The following PHF7 variants were observed in gnomAD, a reference collection of about 807,000 sequenced individuals.
PHF7 encodes the protein E3 ubiquitin-protein ligase PHF7.
PHF7 carries 24 observed loss-of-function variants against 47.5 expected under a neutral mutation model. That is an observed-to-expected ratio of 0.51 (90% CI 0.37 to 0.71). The LOEUF is 0.71. Among genes scored for constraint, PHF7 ranks in the 30% least tolerant of loss-of-function variants. The probability of loss-of-function intolerance (pLI) is 0.00; values close to 1 mark genes in which losing one functional copy is unlikely to be tolerated. For synonymous variants in PHF7, 156 were observed against 153.8 expected (o/e 1.01, Z -0.11); for missense variants, 361 against 456.8 (o/e 0.79, Z 1.91).
rs115023990 is a variant in PHF7 at position 52,423,247 on chromosome 3, G to A, written c.1076G>A (p.Arg359His). ...PSLLEKPESS[R>H]GRRSYSWRSK... The stretch of plus-strand genomic sequence containing the variant: ...TTATTAGAAAAGCCAGAGTCCTCTC[G>A]TGGCAGGAGGAGCTACTCCTGGAGG... Residue 359 changes from arginine (R) to histidine (H), a missense_variant, in exon 11 of 11, where the codon CGT becomes CAT. Physicochemically the swap from Arg to His is conservative, Grantham distance 29. Coordinates refer to ENST00000327906, the MANE Select transcript of PHF7 (RefSeq NM_016483.7). 7.8e-5 allele frequency: 126 copies of A among 1,614,120 alleles called. 2 individuals carry two copies. In the African/African-American group the frequency reaches 1.4e-3, roughly 17 times the overall value.
chr3:52,420,521 C>A, intron 6 of PHF7, 86 bp downstream of exon 6: 2 of 1,347,398 alleles, frequency 1.5e-6, no homozygotes, highest in Non-Finnish European at 2.1e-6. Context: ...TTCTCACAAG[C>A]AGGCCTGTTT....
chr3:52,413,493 G>A (rs533933580), intron 2 of PHF7, among the ~76,000 whole-genome samples: 8 of 152,206 alleles, frequency 5.3e-5, no homozygotes, highest in East Asian at 1.9e-4. Flanking sequence ...CTTACAATCC[G>A]GTTCCTGCCC....
Position 52,420,937 on chromosome 3 carries a change from A to G in PHF7, c.448A>G (p.Ile150Val). Reference sequence around the variant, plus strand: ...TGACAAACATCGCCCAACACAGAACATCCAACATGGGCATGTGGGGGAGGA... The same window carrying G: ...TGACAAACATCGCCCAACACAGAACGTCCAACATGGGCATGTGGGGGAGGA... ...FCDKHRPTQN[I>V]QHGHVGEESC... Residue 150 changes from isoleucine (I) to valine (V), a missense_variant, in exon 7 of 11, where the codon ATC becomes GTC. Physicochemically the swap from Ile to Val is conservative, Grantham distance 29. Transcript: ENST00000327906. 1.9e-6 allele frequency: 3 copies of G among 1,613,280 alleles called. No homozygotes were observed. The highest frequency in any genetic ancestry group is 2.5e-6 in the Non-Finnish European group (3 of 1,179,552).
intron 4 of PHF7, among the ~76,000 whole-genome samples, chr3:52,418,731 CAGTGTCA>C (rs1220153135): frequency 6.6e-6 from 1 of 152,064 alleles, no homozygotes; most frequent in Non-Finnish European, 1.5e-5. Context: ...CCCTGGGAGG[CAGTGTCA>C]CTTGCCACAC....
intron 4 of PHF7, among the ~76,000 whole-genome samples, chr3:52,415,082 C>T (rs909079388): frequency 7.2e-5 from 11 of 152,208 alleles, no homozygotes; most frequent in Admixed American, 6.5e-5. Context: ...AAACAATGTT[C>T]CCAATCCTTC....
At chr3:52,419,057 G>A (rs896931196) in intron 4 of PHF7, among the ~76,000 whole-genome samples, 13 of 151,984 alleles carry the variant, frequency 8.6e-5, no homozygotes, top group Non-Finnish European at 7.4e-5. Context: ...AGCCCTCCTC[G>A]GCTTCCCAAA....
At chr3:52,414,682 T>G in intron 4 of PHF7, 95 bp downstream of exon 4, 1 of 701,320 alleles carries the variant, frequency 1.4e-6, no homozygotes, top group Non-Finnish European at 2.4e-6. Flanking sequence ...CAGCCTTGTT[T>G]TTTTATTTTT....
intron 4 of PHF7, among the ~76,000 whole-genome samples, chr3:52,417,127 C>A (rs565268805): frequency 2.8e-4 from 43 of 152,178 alleles, no homozygotes; most frequent in Non-Finnish European, 5.7e-4. Context: ...GACCATATAT[C>A]TGTGGATCTG....
At chr3:52,419,979 A>G (rs375759543) in intron 5 of PHF7, 45 bp downstream of exon 5, 29 of 1,053,316 alleles carry the variant, frequency 2.8e-5, no homozygotes, top group Non-Finnish European at 4.0e-5. Flanking sequence ...GCCTCTTTTC[A>G]TACCTCACCC....
Position 52,419,901 on chromosome 3 carries a change from C to T in PHF7, c.255C>T (p.Asp85=), listed in dbSNP as rs778079517. Residue 85 remains aspartate (D), a synonymous_variant, in exon 5 of 11, where the codon GAC becomes GAT. Coordinates refer to ENST00000327906, the MANE Select transcript of PHF7 (RefSeq NM_016483.7). ...GCTTCCATGGATTTCTGCCTGAAGACATCAAAAAGGAGGCAGCCCGGGCTT... is the reference window on the plus strand; with the variant it reads ...GCTTCCATGGATTTCTGCCTGAAGATATCAAAAAGGAGGCAGCCCGGGCTT... The part of the protein sequence containing the change: ...NRGFHGFLPE[D]IKKEAARASR... 2 of 1,609,854 alleles carry T rather than the reference C, an allele frequency of 1.2e-6. No homozygotes were observed. Among genetic ancestry groups the T allele is most frequent in the South Asian group, 1.1e-5 (1 of 90,166 alleles).
At chr3:52,421,829 G>C (rs1705800505) in intron 8 of PHF7, 75 bp downstream of exon 8, 2 of 781,738 alleles carry the variant, frequency 2.6e-6, no homozygotes, top group Non-Finnish European at 4.6e-6. Context: ...GTGAGTGAGA[G>C]GATAGTTCAG....
chr3:52,420,255 C>T (rs1417003990), intron 5 of PHF7, 56 bp from the exon 6 acceptor site: 1 of 1,574,784 alleles, frequency 6.4e-7, no homozygotes. Flanking sequence ...ATGTGCTACA[C>T]TGTGTGTGTT....
At chr3:52,414,844 T>TAAAAAAAAAAAA (rs80181327) in intron 4 of PHF7, 1 of 107,256 alleles carries the variant, frequency 9.3e-6, no homozygotes. Context: ...ACAAAAAAAT[T>TAAAAAAAAAAAA]AAAAAAAAAA....
rs1395602548 is a variant in PHF7, at chr3:52,413,045, G to A, written c.41+125G>A. On this transcript the variant is annotated intron_variant, in intron 2 of 10. Transcript: ENST00000327906. ...GTTGGACAGTGTGGAAGCACACACG[G>A]AGCTGGGAGCTGTCATACCTGTCTT... 3 of 721,920 alleles carry A rather than the reference G, an allele frequency of 4.2e-6. No individual in the cohort carries two copies. The African/African-American group carries it at 5.3e-5, about 13-fold the overall frequency. 44.7% of individuals were successfully genotyped at this position (721,920 alleles called of 1,614,324 possible).
rs1417227383 is a variant in PHF7, at chr3:52,414,579, T to A, written c.178T>A (p.Phe60Ile). ...LQKDNISVHY[F>I]CLILSSKLPQ... Reference sequence around the variant, plus strand: ...GAAAGACAATATCAGCGTGCATTATTTCTGTCTTGTGAGTATGAGGCCTCC... The same window carrying A: ...GAAAGACAATATCAGCGTGCATTATATCTGTCTTGTGAGTATGAGGCCTCC... Residue 60 changes from phenylalanine to isoleucine, a missense_variant, in exon 4 of 11, where the codon TTC (phenylalanine) becomes ATC (isoleucine). Coordinates refer to ENST00000327906, the MANE Select transcript of PHF7 (RefSeq NM_016483.7). The A allele has an allele frequency of 6.2e-7, 1 of 1,605,182 alleles. No homozygotes were observed. The highest frequency in any genetic ancestry group is 1.7e-5 in the Admixed American group (1 of 59,718).
intron 4 of PHF7, among the ~76,000 whole-genome samples, chr3:52,418,530 A>G (rs1578243113): frequency 1.3e-5 from 2 of 152,342 alleles, no homozygotes; most frequent in African/African-American, 2.4e-5. Context: ...ATGTGTTTCA[A>G]AAGTTCAATT....
chr3:52,422,564 C>CA (rs1705824123), intron 9 of PHF7, 196 bp from the exon 10 acceptor site: 1 of 668,638 alleles, frequency 1.5e-6, no homozygotes, highest in African/African-American at 1.8e-5. Context: ...CATTCAGAGC[C>CA]AATTCCTTTC....
intron 4 of PHF7, among the ~76,000 whole-genome samples, chr3:52,418,410 C>T (rs145381867): frequency 4.6e-5 from 7 of 152,074 alleles, no homozygotes; most frequent in Admixed American, 3.3e-4. Context: ...TTTTTAGTAG[C>T]TAATTTATTA....
At position 52,414,539 on chromosome 3, in the gene PHF7, A is replaced by G. The variant is rs1434085610; in HGVS notation, c.138A>G (p.Leu46=). 6.2e-7 allele frequency: 1 copy of G among 1,613,052 alleles called. No individual in the cohort carries two copies. Among genetic ancestry groups the G allele is most frequent in the African/African-American group, 1.3e-5 (1 of 74,866 alleles). ...CLREPGDPEK[L]GEFLQKDNIS... is the part of the protein sequence containing the mutation. The stretch of plus-strand genomic sequence containing the variant: ...GAGAACCTGGGGATCCCGAAAAATT[A>G]GGGGAATTTCTTCAGAAAGACAATA... The change falls in exon 4 of 11, where the codon TTA becomes TTG. Residue 46 remains leucine (L), a synonymous_variant. Coordinates refer to ENST00000327906, the MANE Select transcript of PHF7 (RefSeq NM_016483.7).
Sources: gnomAD v4.1 joint callset for allele counts (sites outside exome capture counted in the v4.1 genomes callset) on GRCh38, gnomAD v4.1.1 for gene constraint, MANE v1.5 for transcripts, NCBI Gene and HGNC (gene_info 2026-07-23, HGNC 2026-07-21) for gene names.